LRRC37A2: variants seen among roughly 807,000 people sequenced by gnomAD.
The protein encoded by LRRC37A2 is leucine-rich repeat-containing protein 37A2.
LRRC37A2 carries 9 observed loss-of-function variants against 68.8 expected under a neutral mutation model. That is an observed-to-expected ratio of 0.13 (90% CI 0.08 to 0.23). LRRC37A2 has a LOEUF of 0.23. LRRC37A2 is among the 10% of genes least tolerant of loss of function. The pLI is 1.00. For missense variants in LRRC37A2, 168 were observed against 950.4 expected (o/e 0.18, Z 10.82); for synonymous variants, 63 against 367.6 (o/e 0.17, Z 9.48).
chr17:46,907,693 A>AAAC, the LRRC37A2 span, among the ~76,000 whole-genome samples: 19 of 135,466 alleles, frequency 1.4e-4, 1 homozygote, highest in Non-Finnish European at 2.5e-4. Context: ...AAAAAACAAA[A>AAAC]AACCCAAAAT....
At chr17:46,778,926 T>C in the LRRC37A2 span, among the ~76,000 whole-genome samples, 1 of 152,060 alleles carries the variant, frequency 6.6e-6, no homozygotes, top group African/African-American at 2.4e-5. Flanking sequence ...TGTACCTAAT[T>C]CAAACCTTCT....
the LRRC37A2 span, chr17:46,714,128 A>G: frequency 1.3e-6 from 1 of 799,006 alleles, no homozygotes; most frequent in Non-Finnish European, 1.9e-6. Flanking sequence ...TCAGCAGAAT[A>G]TGGGGGAAGC....
chr17:46,834,624 G>T, the LRRC37A2 span, among the ~76,000 whole-genome samples: 1 of 152,138 alleles, frequency 6.6e-6, no homozygotes, highest in African/African-American at 2.4e-5. Flanking sequence ...CTGTCCCTGA[G>T]GCTGGGCACA....
At chr17:46,520,885 T>G (rs2144906465) in intron 4 of LRRC37A2, among the ~76,000 whole-genome samples, 1 of 73,438 alleles carries the variant, frequency 1.4e-5, no homozygotes, top group East Asian at 2.5e-4. Flanking sequence ...CCAGAATTTT[T>G]TGGTAATTTA....
At chr17:46,888,755 G>T in the LRRC37A2 span, among the ~76,000 whole-genome samples, 1 of 152,124 alleles carries the variant, frequency 6.6e-6, no homozygotes, top group African/African-American at 2.4e-5. Context: ...CCAGACCCAA[G>T]GCAGCAGCAT....
the LRRC37A2 span, among the ~76,000 whole-genome samples, chr17:46,709,352 G>T: frequency 6.6e-6 from 1 of 151,882 alleles, no homozygotes; most frequent in Admixed American, 6.6e-5. Context: ...AAAAAAAAAT[G>T]AAATTATGGG....
At chr17:46,807,697 G>A in the LRRC37A2 span, among the ~76,000 whole-genome samples, 2 of 152,162 alleles carry the variant, frequency 1.3e-5, no homozygotes, top group Admixed American at 6.5e-5. Flanking sequence ...ATTATGCCCA[G>A]GCCAGGTACA....
the LRRC37A2 span, among the ~76,000 whole-genome samples, chr17:47,001,512 A>G: frequency 6.6e-6 from 1 of 152,140 alleles, no homozygotes; most frequent in Non-Finnish European, 1.5e-5. Flanking sequence ...GTATTGACAT[A>G]TAATAAACTG....
the LRRC37A2 span, among the ~76,000 whole-genome samples, chr17:46,839,940 CT>C: frequency 4.7e-5 from 7 of 148,120 alleles, no homozygotes; most frequent in African/African-American, 1.5e-4. Context: ...TTCTTTCTTT[CT>C]TTCTTTCTTT....
the LRRC37A2 span, among the ~76,000 whole-genome samples, chr17:46,894,814 T>C: frequency 5.3e-5 from 8 of 152,340 alleles, no homozygotes; most frequent in Admixed American, 6.5e-5. Context: ...TAGCTCTTTT[T>C]CAACTTTTCA....
chr17:46,877,568 G>T, the LRRC37A2 span, among the ~76,000 whole-genome samples: 3 of 152,144 alleles, frequency 2.0e-5, no homozygotes, highest in Non-Finnish European at 4.4e-5. Context: ...GTTCCCTGCT[G>T]GCCAAAGGAA....
the LRRC37A2 span, among the ~76,000 whole-genome samples, chr17:46,486,290 G>A: frequency 0.27 from 27,270 of 99,854 alleles, 10,330 homozygotes; most frequent in Middle Eastern, 0.5. Context: ...CTCAAGGTTC[G>A]TCATGTTGCA....
At chr17:46,775,164 G>C in the LRRC37A2 span, among the ~76,000 whole-genome samples, 1 of 152,228 alleles carries the variant, frequency 6.6e-6, no homozygotes, top group African/African-American at 2.4e-5. Context: ...AACTGTTACT[G>C]CTTGCCAGGC....
At chr17:47,020,725 T>A in the LRRC37A2 span, among the ~76,000 whole-genome samples, 1 of 123,736 alleles carries the variant, frequency 8.1e-6, no homozygotes, top group African/African-American at 3.2e-5. Context: ...GAGCTTGCAG[T>A]GAGCCAAGAT....
chr17:46,875,347 A>G, the LRRC37A2 span: 2 of 1,608,416 alleles, frequency 1.2e-6, no homozygotes, highest in South Asian at 1.1e-5. Context: ...GACGCCCACA[A>G]TACCCACGTG....
the LRRC37A2 span, among the ~76,000 whole-genome samples, chr17:46,942,713 G>A: frequency 3.3e-5 from 5 of 152,242 alleles, no homozygotes; most frequent in Admixed American, 2.0e-4. Flanking sequence ...CCTAGGGGGC[G>A]GCATAGCCCT....
At chr17:46,991,657 A>G in the LRRC37A2 span, among the ~76,000 whole-genome samples, 3 of 152,106 alleles carry the variant, frequency 2.0e-5, no homozygotes, top group Non-Finnish European at 2.9e-5. Context: ...AATAAACAGT[A>G]TAAAACCACT....
At chr17:46,873,366 G>A in the LRRC37A2 span, among the ~76,000 whole-genome samples, 1 of 152,062 alleles carries the variant, frequency 6.6e-6, no homozygotes, top group East Asian at 1.9e-4. Flanking sequence ...AGATCCTGGA[G>A]GTTCAGAGCT....
the LRRC37A2 span, among the ~76,000 whole-genome samples, chr17:46,881,645 C>A: frequency 6.6e-6 from 1 of 152,302 alleles, no homozygotes; most frequent in South Asian, 2.1e-4. Context: ...CAAACAGGCC[C>A]GCAGACCCCT....
Sources: gnomAD v4.1 joint callset for allele counts (sites outside exome capture counted in the v4.1 genomes callset) on GRCh38, gnomAD v4.1.1 for gene constraint, MANE v1.5 for transcripts, NCBI Gene and HGNC (gene_info 2026-07-23, HGNC 2026-07-21) for gene names.